The following TMEM165 variants were observed in gnomAD, a reference collection of about 807,000 sequenced individuals.
TMEM165 encodes putative divalent cation/proton antiporter TMEM165.
Under a neutral mutation model 30.0 loss-of-function variants are expected in TMEM165, and 19 were observed. The ratio of observed to expected loss-of-function variants is 0.63; its 90% CI spans 0.44 to 0.93. TMEM165 has a LOEUF of 0.93. Ranked by LOEUF, TMEM165 falls within the 40% of genes least tolerant of loss-of-function variation. The probability of loss-of-function intolerance (pLI) is 0.00; values close to 1 mark genes in which losing one functional copy is unlikely to be tolerated. For missense variants in TMEM165, 340 were observed against 417.0 expected (o/e 0.82, Z 1.61); for synonymous variants, 168 against 162.9 (o/e 1.03, Z -0.24).
Position 55,425,475 on chromosome 4 carries a change from T to A in TMEM165, c.*23T>A. ...TAACAAGCTGTTTGTTCATCTATAT[T>A]TAGTTTAAAATAGGTAGTATTATCT... On this transcript the variant is annotated 3_prime_UTR_variant, in exon 6 of 6. Transcript: ENST00000381334. 1 of 1,572,534 alleles carries A rather than the reference T, an allele frequency of 6.4e-7. No homozygotes were observed. Among genetic ancestry groups the A allele is most frequent in the Non-Finnish European group, 8.7e-7 (1 of 1,143,632 alleles).
At chr4:55,417,392 G>T in intron 3 of TMEM165, 145 bp downstream of exon 3, 2 of 808,236 alleles carry the variant, frequency 2.5e-6, no homozygotes, top group Non-Finnish European at 3.7e-6. Context: ...TCTTATACCT[G>T]TCTGTGATCT....
rs1475206785 is a variant in TMEM165, at chr4:55,400,250, ATTATATTAATAT to A, written c.207+3855_207+3866del. 3.3e-4 allele frequency among the ~76,000 whole-genome samples: 16 copies of A among 48,254 alleles called. No individual in the cohort carries two copies. In the East Asian group the frequency reaches 6.7e-3, roughly 20 times the overall value. The allele number at this position is 48,254 out of a possible 152,430, so 31.7% of individuals were successfully genotyped here. A position where few individuals can be genotyped will look rare whatever the true frequency, so the allele number is the denominator to read the frequency against. On this transcript the variant is annotated intron_variant, in intron 1 of 5. Transcript: ENST00000381334. ...AATATATTAATGTAATTAATATTAT[ATTATATTAATAT>A]ATAATATATAATATAATATTATATA...
chr4:55,412,022 CT>C (rs1478869145), intron 2 of TMEM165, 183 bp downstream of exon 2: 2 of 648,856 alleles, frequency 3.1e-6, no homozygotes, highest in East Asian at 5.5e-5. Context: ...TTTGTACCCC[CT>C]CTCGCATAGT....
intron 1 of TMEM165, among the ~76,000 whole-genome samples, chr4:55,401,225 G>A (rs1720983874): frequency 6.6e-6 from 1 of 150,514 alleles, no homozygotes. Flanking sequence ...AAAAAAGGTT[G>A]GTAAGTAATA....
chr4:55,433,052 C>T (rs1042129601), intron 3 of TMEM165: 4 of 152,584 alleles, frequency 2.6e-5, no homozygotes, highest in Admixed American at 1.3e-4. Context: ...TAGCTAAATC[C>T]GTATCACTAG....
At chr4:55,438,862 C>A (rs1723114168) in intron 3 of TMEM165, among the ~76,000 whole-genome samples, 1 of 152,148 alleles carries the variant, frequency 6.6e-6, no homozygotes, top group Non-Finnish European at 1.5e-5. Context: ...AACATAAGAG[C>A]TAATGCTATA....
chr4:55,401,170 A>G (rs1329242789), intron 1 of TMEM165, among the ~76,000 whole-genome samples: 1 of 149,402 alleles, frequency 6.7e-6, no homozygotes, highest in Non-Finnish European at 1.5e-5. Flanking sequence ...AACTTCTAAC[A>G]GGGCATTCTA....
downstream of TMEM165, among the ~76,000 whole-genome samples, chr4:55,427,016 A>AGT (rs1722235487): frequency 6.7e-6 from 1 of 149,958 alleles, no homozygotes; most frequent in South Asian, 2.1e-4. Context: ...ATAAAGAAAG[A>AGT]GTGAGGAATT....
chr4:55,432,155 T>TAGACCGTAG (rs1722553297), intron 3 of TMEM165: 1 of 152,216 alleles, frequency 6.6e-6, no homozygotes, highest in Non-Finnish European at 1.5e-5. Context: ...GCTCGAAGGC[T>TAGACCGTAG]AGACCGTAGT....
At chr4:55,444,124 G>A (rs1474358354) in intron 3 of TMEM165, among the ~76,000 whole-genome samples, 1 of 152,164 alleles carries the variant, frequency 6.6e-6, no homozygotes, top group African/African-American at 2.4e-5. Context: ...ACTAGTGTTA[G>A]TCTGTGGATT....
intron 3 of TMEM165, chr4:55,448,870 T>C: frequency 6.2e-7 from 1 of 1,608,642 alleles, no homozygotes; most frequent in Non-Finnish European, 8.5e-7. Context: ...ATTTATGGAC[T>C]AGAGCAAAAT....
chr4:55,442,325 G>C (rs1190526814), intron 3 of TMEM165: 2 of 890,930 alleles, frequency 2.2e-6, no homozygotes, highest in Non-Finnish European at 3.6e-6. Context: ...GCTGCAGTGA[G>C]CATCTCATTA....
Position 55,425,474 on chromosome 4 carries a change from T to C in TMEM165, c.*22T>C, listed in dbSNP as rs1359738156. On this transcript the variant is annotated 3_prime_UTR_variant, in exon 6 of 6. Transcript: ENST00000381334. ...TTAACAAGCTGTTTGTTCATCTATA[T>C]TTAGTTTAAAATAGGTAGTATTATC... The C allele has an allele frequency of 1.9e-6, 3 of 1,576,396 alleles. No individual in the cohort carries two copies. The highest frequency in any genetic ancestry group is 1.3e-5 in the African/African-American group (1 of 74,136).
intron 1 of TMEM165, chr4:55,397,240 A>G (rs1004565210): frequency 6.6e-6 from 1 of 152,062 alleles, no homozygotes; most frequent in South Asian, 2.1e-4. Flanking sequence ...CTTCCCGAAC[A>G]TTGAATTCTG....
chr4:55,449,578 A>C, intron 3 of TMEM165: 1 of 1,198,574 alleles, frequency 8.3e-7, no homozygotes, highest in East Asian at 2.5e-5. Flanking sequence ...TATTTCAGTT[A>C]ATAAAAATGG....
At chr4:55,410,151 C>A (rs902305343) in intron 1 of TMEM165, among the ~76,000 whole-genome samples, 2 of 152,134 alleles carry the variant, frequency 1.3e-5, no homozygotes, top group African/African-American at 4.8e-5. Context: ...ATGTAAAAAA[C>A]CTTTTTTTGC....
chr4:55,450,022 C>T, intron 3 of TMEM165: 1 of 1,544,090 alleles, frequency 6.5e-7, no homozygotes. Flanking sequence ...ATGAGAAATG[C>T]TGATATAAGT....
intron 3 of TMEM165, among the ~76,000 whole-genome samples, chr4:55,446,082 C>T (rs538996951): frequency 6.8e-6 from 1 of 147,368 alleles, no homozygotes; most frequent in African/African-American, 2.5e-5. Flanking sequence ...CTACCACTTA[C>T]TGGAAAAAAA....
At chr4:55,406,092 A>G (rs1721256011) in intron 1 of TMEM165, among the ~76,000 whole-genome samples, 1 of 152,242 alleles carries the variant, frequency 6.6e-6, no homozygotes, top group African/African-American at 2.4e-5. Flanking sequence ...GGCTTATGAA[A>G]TGAATCTTAG....
Sources: gnomAD v4.1 joint callset for allele counts (sites outside exome capture counted in the v4.1 genomes callset) on GRCh38, gnomAD v4.1.1 for gene constraint, MANE v1.5 for transcripts, NCBI Gene and HGNC (gene_info 2026-07-23, HGNC 2026-07-21) for gene names.